The following ZEB2 variants were observed in gnomAD, a reference collection of about 807,000 sequenced individuals.
ZEB2 encodes zinc finger E-box-binding homeobox 2.
A neutral mutation model predicts 99.9 loss-of-function variants in ZEB2; 6 were observed. The observed-to-expected ratio is 0.06, with a 90% CI of 0.03 to 0.12. The LOEUF is 0.12. Among genes scored for constraint, ZEB2 ranks in the 10% least tolerant of loss-of-function variants. The pLI, the probability that ZEB2 is intolerant of heterozygous loss-of-function variation, is 1.00. For synonymous variants in ZEB2, 517 were observed against 542.5 expected, an observed-to-expected ratio of 0.95 and a Z score of 0.65; for missense variants, 969 against 1,502.8, an observed-to-expected ratio of 0.64 and a Z score of 5.87.
intron 2 of ZEB2, among the ~76,000 whole-genome samples, chr2:144,431,206 G>A (rs1464504858): frequency 6.6e-6 from 1 of 152,184 alleles, no homozygotes; most frequent in African/African-American, 2.4e-5. Context: ...GCTATCTCAA[G>A]TGGCTCTTGC....
chr2:144,413,108 T>G (rs1414200684), intron 4 of ZEB2, among the ~76,000 whole-genome samples: 1 of 152,244 alleles, frequency 6.6e-6, no homozygotes, highest in Non-Finnish European at 1.5e-5. Flanking sequence ...AATTAATTAC[T>G]TTAATCAGTT....
At chr2:144,516,637 C>A (rs1705150555) in intron 2 of ZEB2, 1 of 151,722 alleles carries the variant, frequency 6.6e-6, no homozygotes, top group African/African-American at 2.4e-5. Flanking sequence ...AGTCATCCGT[C>A]CCCGAGCCAT....
chr2:144,403,771 AT>A (rs1437462931), intron 6 of ZEB2, 144 bp downstream of exon 6: 1 of 1,009,494 alleles, frequency 9.9e-7, no homozygotes, highest in African/African-American at 1.6e-5. Flanking sequence ...TCAAAAAATC[AT>A]TTAGACCTCA....
chr2:144,439,381 C>T (rs945770382), intron 2 of ZEB2, among the ~76,000 whole-genome samples: 3 of 152,204 alleles, frequency 2.0e-5, no homozygotes, highest in Non-Finnish European at 2.9e-5. Context: ...CCAGGTGAGA[C>T]GGCCTGGTGC....
chr2:144,502,224 T>C (rs959329955), intron 2 of ZEB2, among the ~76,000 whole-genome samples: 7 of 152,176 alleles, frequency 4.6e-5, no homozygotes, highest in Non-Finnish European at 1.0e-4. Context: ...ACCTAACTCG[T>C]AACAGCTCTC....
chr2:144,430,068 G>A lies in ZEB2; in HGVS notation c.74-42C>T, dbSNP rs545784147. On this transcript the variant is annotated intron_variant, in intron 2 of 9. Transcript: ENST00000627532. Reference sequence around the variant, plus strand: ...AAACACACTCTCTAAACACTCTGTTGAGAAACATCAGCCACCCCTAATTGT... The same window carrying A: ...AAACACACTCTCTAAACACTCTGTTAAGAAACATCAGCCACCCCTAATTGT... 4.4e-6 allele frequency: 7 copies of A among 1,607,602 alleles called. 1 individual carries two copies. The South Asian group carries it at 7.7e-5, about 18-fold the overall frequency.
chr2:144,499,735 T>G (rs1704842755), intron 2 of ZEB2, among the ~76,000 whole-genome samples: 1 of 152,128 alleles, frequency 6.6e-6, no homozygotes, highest in African/African-American at 2.4e-5. Flanking sequence ...ATGGACAGAT[T>G]TCCCCCCATG....
At position 144,398,522 on chromosome 2, in the gene ZEB2, A is replaced by G. The variant is rs895859447; in HGVS notation, c.2665T>C (p.Phe889Leu). 1 of 1,614,080 alleles carries G rather than the reference A, an allele frequency of 6.2e-7. No homozygotes were observed. The highest frequency in any genetic ancestry group is 8.5e-7 in the Non-Finnish European group (1 of 1,179,992). ...GCTGTGTATAAAGGTTTGGCACTAA[A>G]TGGGTTCATGCTGAACACTGGGTTA... Reference protein sequence around the residue: ...STNPVFSMNPFSAKPLYTALP... With the variant: ...STNPVFSMNPLSAKPLYTALP... The change falls in exon 8 of 10, where the codon TTT (phenylalanine) becomes CTT (leucine). Residue 889 changes from phenylalanine (F) to leucine (L), a missense_variant. Phe to Leu is a conservative substitution (Grantham distance 22, BLOSUM62 0). Around this residue, in one of 8 missense-constraint regions of ZEB2, gnomAD observed 346 missense variants for 460.0 expected, o/e 0.75. Transcript: ENST00000627532.
chr2:144,422,385 A>T (rs1703629901), intron 4 of ZEB2, among the ~76,000 whole-genome samples: 1 of 152,172 alleles, frequency 6.6e-6, no homozygotes, highest in Non-Finnish European at 1.5e-5. Flanking sequence ...CTCCTCTTCA[A>T]TTAGAAAGCC....
At chr2:144,393,496 CAA>C (rs1045881484) in intron 9 of ZEB2, among the ~76,000 whole-genome samples, 2 of 152,194 alleles carry the variant, frequency 1.3e-5, no homozygotes, top group Admixed American at 1.3e-4. Flanking sequence ...CAGTCAGTCC[CAA>C]GACAGTTCTC....
chr2:144,520,005 G>A lies in ZEB2; in HGVS notation c.-136C>T, dbSNP rs746798671. The A allele has an allele frequency of 2.2e-6, 1 of 454,548 alleles. No homozygotes were observed. Among genetic ancestry groups the A allele is most frequent in the South Asian group, 1.6e-5 (1 of 64,474 alleles). The allele number at this position is 454,548 out of a possible 1,614,324, so 28.2% of individuals were successfully genotyped here. On this transcript the variant is annotated 5_prime_UTR_variant, in exon 1 of 10. Transcript: ENST00000627532. ...AGAAAAAGCATGAAGAAGCCGCGAA[G>A]TGTGGGGGAGAAAAAGGTGGAAGCG...
intron 9 of ZEB2, chr2:144,390,481 A>G: frequency 4.0e-6 from 1 of 252,918 alleles, no homozygotes; most frequent in Non-Finnish European, 7.8e-6. Context: ...TTGTTATATC[A>G]TGAGATAGTT....
intron 2 of ZEB2, among the ~76,000 whole-genome samples, chr2:144,456,424 T>C (rs1704122558): frequency 1.3e-5 from 2 of 152,244 alleles, no homozygotes; most frequent in Non-Finnish European, 1.5e-5. Context: ...TAAATCCCTT[T>C]TTGGATTCTT....
chr2:144,507,126 C>T (rs1413235270), intron 2 of ZEB2, among the ~76,000 whole-genome samples: 1 of 152,188 alleles, frequency 6.6e-6, no homozygotes, highest in Admixed American at 6.5e-5. Context: ...ATTAAAAGAA[C>T]ATCTTCTTTT....
chr2:144,512,710 A>C, intron 2 of ZEB2: 1 of 1,287,238 alleles, frequency 7.8e-7, no homozygotes, highest in African/African-American at 1.5e-5. Context: ...CTACGAAGGA[A>C]AGCATGTTTC....
intron 2 of ZEB2, among the ~76,000 whole-genome samples, chr2:144,511,074 T>C (rs938647566): frequency 4.6e-5 from 7 of 152,212 alleles, no homozygotes; most frequent in African/African-American, 1.7e-4. Flanking sequence ...TAAAAGTTTT[T>C]CCCCCATTTG....
chr2:144,512,718 T>C, intron 2 of ZEB2: 1 of 1,287,210 alleles, frequency 7.8e-7, no homozygotes, highest in East Asian at 5.5e-5. Context: ...GAAAGCATGT[T>C]TCTACCCCAA....
intron 4 of ZEB2, among the ~76,000 whole-genome samples, chr2:144,415,004 CTT>C (rs71404501): frequency 7.1e-6 from 1 of 140,360 alleles, no homozygotes; most frequent in Non-Finnish European, 1.6e-5. Context: ...TACTTTTTTT[CTT>C]TTTTTTTTTT....
At position 144,386,020 on chromosome 2, in the gene ZEB2, G is replaced by A. The variant is rs1049596626; in HGVS notation, c.*3431C>T. On this transcript the variant is annotated 3_prime_UTR_variant, in exon 10 of 10. Transcript: ENST00000627532. ...CGCATCTCTCTTCCCAGTTATTTCA[G>A]GCCTAAGCTTACAGTGTCATGTGAA... The A allele has an allele frequency of 1.3e-5, 2 of 152,114 alleles. No homozygotes were observed. Among genetic ancestry groups the A allele is most frequent in the African/African-American group, 4.8e-5 (2 of 41,414 alleles). The allele number at this position is 152,114 out of a possible 1,614,324, so 9.4% of individuals were successfully genotyped here.
Sources: allele counts gnomAD v4.1 joint callset (sites outside exome capture counted in the v4.1 genomes callset), GRCh38; gene constraint gnomAD v4.1.1; regional missense constraint gnomAD v4.1.1; transcripts MANE v1.5; gene names NCBI Gene and HGNC (gene_info 2026-07-23, HGNC 2026-07-21).